Variants in KDM4C observed in about 807,000 individuals in gnomAD.
KDM4C encodes lysine demethylase 4C.
Under a neutral mutation model 129.3 loss-of-function variants are expected in KDM4C, and 81 were observed. The ratio of observed to expected loss-of-function variants is 0.63; its 90% CI spans 0.52 to 0.75. The LOEUF (loss-of-function observed/expected upper bound fraction) is 0.75, where lower values mean the gene tolerates loss of function less well. Among genes scored for constraint, KDM4C ranks in the 30% least tolerant of loss-of-function variants. The pLI, the probability that KDM4C is intolerant of heterozygous loss-of-function variation, is 0.00. For synonymous variants in KDM4C, 573 were observed against 456.1 expected, an observed-to-expected ratio of 1.26 and a Z score of -3.26; for missense variants, 1,457 against 1,304.0, an observed-to-expected ratio of 1.12 and a Z score of -1.81.
chr9:6,908,285 A>G (rs935499602), intron 8 of KDM4C, among the ~76,000 whole-genome samples: 3 of 152,082 alleles, frequency 2.0e-5, no homozygotes, highest in African/African-American at 7.2e-5. Context: ...TGAGGTTATA[A>G]TTTTCTTCCA....
intron 7 of KDM4C, among the ~76,000 whole-genome samples, chr9:6,891,488 G>T (rs75616290): frequency 6.6e-6 from 1 of 152,020 alleles, no homozygotes; most frequent in African/African-American, 2.4e-5. Flanking sequence ...TAAATCAGGG[G>T]TTTTCTTAGG....
At chr9:6,812,430 A>G (rs1018788566) in intron 3 of KDM4C, among the ~76,000 whole-genome samples, 2 of 152,080 alleles carry the variant, frequency 1.3e-5, no homozygotes, top group African/African-American at 2.4e-5. Context: ...CTTTTTGGCA[A>G]GGGACTGGTT....
chr9:7,147,903 C>T (rs1425379220), intron 19 of KDM4C, among the ~76,000 whole-genome samples: 2 of 152,194 alleles, frequency 1.3e-5, no homozygotes, highest in African/African-American at 2.4e-5. Flanking sequence ...GAGTTTTGCT[C>T]ATGCCCGCTA....
At chr9:6,870,717 G>T (rs1391806494) in intron 5 of KDM4C, among the ~76,000 whole-genome samples, 1 of 152,010 alleles carries the variant, frequency 6.6e-6, no homozygotes, top group Non-Finnish European at 1.5e-5. Context: ...TTAAAAAATT[G>T]TCCTTGAGGT....
At chr9:6,725,995 C>T (rs1325984561) in intron 1 of KDM4C, among the ~76,000 whole-genome samples, 1 of 150,662 alleles carries the variant, frequency 6.6e-6, no homozygotes. Flanking sequence ...GGCGCGATCT[C>T]GGCTCACTGC....
chr9:7,015,994 A>G (rs1823590095), intron 15 of KDM4C, 65 bp downstream of exon 15: 1 of 1,195,258 alleles, frequency 8.4e-7, no homozygotes, highest in Non-Finnish European at 1.2e-6. Flanking sequence ...GACACATTTA[A>G]GTCTAGGGAA....
upstream of KDM4C, among the ~76,000 whole-genome samples, chr9:6,756,024 G>C (rs1388558362): frequency 6.6e-6 from 1 of 152,162 alleles, no homozygotes; most frequent in Non-Finnish European, 1.5e-5. Flanking sequence ...ATTCACAATG[G>C]TAAAGAAATG....
At chr9:6,895,483 G>A (rs544656043) in intron 8 of KDM4C, among the ~76,000 whole-genome samples, 2 of 152,306 alleles carry the variant, frequency 1.3e-5, no homozygotes, top group Admixed American at 1.3e-4. Context: ...AAAATCCCAC[G>A]TGTCATGCAA....
intron 17 of KDM4C, among the ~76,000 whole-genome samples, chr9:7,089,249 TA>T (rs1462748192): frequency 2.1e-5 from 3 of 142,862 alleles, no homozygotes; most frequent in East Asian, 2.0e-4. Context: ...TATTTTATTT[TA>T]TTTTTTTTGC....
At chr9:6,920,487 G>A (rs936608202) in intron 8 of KDM4C, among the ~76,000 whole-genome samples, 2 of 151,762 alleles carry the variant, frequency 1.3e-5, no homozygotes, top group African/African-American at 2.4e-5. Flanking sequence ...CACTTGAACC[G>A]GGGAGGTGCA....
intron 8 of KDM4C, among the ~76,000 whole-genome samples, chr9:6,967,130 A>T (rs200153551): frequency 1.3e-5 from 2 of 151,928 alleles, no homozygotes; most frequent in Non-Finnish European, 2.9e-5. Context: ...GCCAAAAATT[A>T]TACAGACTCC....
At chr9:7,165,683 C>G (rs1844307851) in intron 20 of KDM4C, among the ~76,000 whole-genome samples, 1 of 152,362 alleles carries the variant, frequency 6.6e-6, no homozygotes, top group South Asian at 2.1e-4. Context: ...GCCGATTCAT[C>G]TAACCTTCAG....
intron 1 of KDM4C, among the ~76,000 whole-genome samples, chr9:6,762,360 T>C (rs1234117817): frequency 1.3e-5 from 2 of 151,546 alleles, no homozygotes; most frequent in East Asian, 3.9e-4. Flanking sequence ...TTTGTAGAGA[T>C]GGGGTCTCAG....
intron 5 of KDM4C, among the ~76,000 whole-genome samples, chr9:6,871,519 A>C (rs1263214078): frequency 2.6e-5 from 4 of 152,178 alleles, no homozygotes; most frequent in Non-Finnish European, 5.9e-5. Flanking sequence ...TTTTAGTGTT[A>C]GCAGTACTTG....
intron 12 of KDM4C, among the ~76,000 whole-genome samples, chr9:6,993,252 ATTC>A (rs1819075911): frequency 6.6e-6 from 1 of 152,222 alleles, no homozygotes; most frequent in Non-Finnish European, 1.5e-5. Flanking sequence ...CATCTAACTT[ATTC>A]TTTTTTGGTG....
chr9:6,916,031 A>G (rs1820250501), intron 8 of KDM4C, among the ~76,000 whole-genome samples: 1 of 152,202 alleles, frequency 6.6e-6, no homozygotes, highest in Admixed American at 6.5e-5. Flanking sequence ...CAGCTTTGTG[A>G]GAGACATCAT....
At chr9:6,778,114 G>C (rs551201080) in intron 1 of KDM4C, among the ~76,000 whole-genome samples, 4 of 141,284 alleles carry the variant, frequency 2.8e-5, no homozygotes, top group Non-Finnish European at 6.2e-5. Flanking sequence ...TTTTGAGACA[G>C]AGTCTTGCTC....
In KDM4C at chr9:7,013,082, TTCTA is replaced by T. The variant is rs375503952; in HGVS notation, c.1969-704_1969-701del. ...GTTTTAACTACTTATTGATTCTTAT[TTCTA>T]TATTATAATCTGTATATTTCTCAAT... On this transcript the variant is annotated intron_variant, in intron 13 of 21. Transcript: ENST00000381309. Among the ~76,000 whole-genome samples the T allele has an allele frequency of 2.0e-4, 31 of 152,270 alleles. No homozygotes were observed. In the East Asian group the frequency reaches 5.6e-3, roughly 27 times the overall value.
chr9:6,820,553 A>C (rs912807609), intron 4 of KDM4C, among the ~76,000 whole-genome samples: 8 of 152,026 alleles, frequency 5.3e-5, no homozygotes, highest in African/African-American at 1.7e-4. Context: ...TCTTTTAAGG[A>C]GCAGAGAAGG....
Sources: allele counts gnomAD v4.1 joint callset (sites outside exome capture counted in the v4.1 genomes callset), GRCh38; gene constraint gnomAD v4.1.1; transcripts MANE v1.5; gene names NCBI Gene and HGNC (gene_info 2026-07-23, HGNC 2026-07-21).